The following GNG4 variants were observed in gnomAD, a reference collection of about 807,000 sequenced individuals.
GNG4 encodes the protein G protein subunit gamma 4.
Under a neutral mutation model 5.8 loss-of-function variants are expected in GNG4, and 4 were observed. The ratio of observed to expected loss-of-function variants is 0.69; its 90% CI spans 0.34 to 1.57. The LOEUF (loss-of-function observed/expected upper bound fraction) is 1.57. Ranked by LOEUF, GNG4 falls within the 40% of genes most tolerant of loss-of-function variation. The probability of loss-of-function intolerance (pLI) is 0.06; values close to 1 mark genes in which losing one functional copy is unlikely to be tolerated. For missense variants in GNG4, 96 were observed against 95.1 expected (o/e 1.01, Z -0.04); for synonymous variants, 29 against 32.9 (o/e 0.88, Z 0.41).
At chr1:235,571,949 G>C (rs10082227) in intron 3 of GNG4, among the ~76,000 whole-genome samples, 7,106 of 152,210 alleles carry the variant, frequency 0.047, 501 homozygotes, top group African/African-American at 0.15. Context: ...CAATCCTCCT[G>C]CCTCAGCCTC....
intron 1 of GNG4, among the ~76,000 whole-genome samples, chr1:235,632,403 G>C (rs1688949855): frequency 6.6e-6 from 1 of 152,108 alleles, no homozygotes; most frequent in Non-Finnish European, 1.5e-5. Context: ...TTTCTCATCT[G>C]TGTGCAAAGA....
intron 2 of GNG4, among the ~76,000 whole-genome samples, chr1:235,593,953 G>A (rs1688060125): frequency 6.6e-6 from 1 of 152,150 alleles, no homozygotes; most frequent in African/African-American, 2.4e-5. Context: ...AGCTGGCGCG[G>A]GCAGCCTGCT....
chr1:235,645,246 T>C (rs560506773), intron 1 of GNG4, among the ~76,000 whole-genome samples: 2 of 152,290 alleles, frequency 1.3e-5, no homozygotes, highest in East Asian at 3.9e-4. Context: ...GAGAAGAACC[T>C]GCTCTCAGCC....
In GNG4 at chr1:235,637,424, G is replaced by T. The variant is rs961620401; in HGVS notation, c.-123+12238C>A. On this transcript the variant is annotated intron_variant, in intron 1 of 3. Coordinates refer to ENST00000391854, the MANE Select transcript of GNG4 (RefSeq NM_001098722.2). ...TCCCAGCACTTTCGGAGGCCAAGGT[G>T]GGGGGATCACTTGAGGCCAGGAGTT... 7.9e-5 allele frequency among the ~76,000 whole-genome samples: 12 copies of T among 151,612 alleles called. 1 individual carries two copies. The highest frequency in any genetic ancestry group is 7.9e-4 in the Admixed American group (12 of 15,196).
Position 235,616,369 on chromosome 1 carries a change from G to T in GNG4, c.-122-20858C>A, listed in dbSNP as rs1485824038. 4 of 417,764 alleles carry T rather than the reference G, an allele frequency of 9.6e-6. 1 individual carries two copies. The highest frequency in any genetic ancestry group is 1.7e-3 in the Middle Eastern group (2 of 1,170). The allele number at this position is 417,764 out of a possible 1,614,324, so 25.9% of individuals were successfully genotyped here. ...GATTCACCGTCATGCTGGTCCTCGT[G>T]ATATATTCAGGACAGATCCAGATTG... On this transcript the variant is annotated intron_variant, in intron 1 of 3. Transcript: ENST00000391854.
chr1:235,569,196 C>T (rs2481094), intron 3 of GNG4, among the ~76,000 whole-genome samples: 102,111 of 151,998 alleles, frequency 0.67, 34,631 homozygotes, highest in East Asian at 0.87. Context: ...TGTGAAAATT[C>T]AAGCACCTAA....
intron 3 of GNG4, among the ~76,000 whole-genome samples, chr1:235,559,878 C>G (rs1168292299): frequency 1.3e-5 from 2 of 152,166 alleles, no homozygotes; most frequent in African/African-American, 4.8e-5. Flanking sequence ...GTTGTAATAT[C>G]ACCAAATTAA....
intron 3 of GNG4, among the ~76,000 whole-genome samples, chr1:235,576,521 T>A (rs995654600): frequency 1.3e-5 from 2 of 152,200 alleles, no homozygotes; most frequent in African/African-American, 4.8e-5. Context: ...CTGGGTATTA[T>A]TTTCCAAGCT....
chr1:235,645,501 G>C (rs1217618310), intron 1 of GNG4, among the ~76,000 whole-genome samples: 1 of 152,138 alleles, frequency 6.6e-6, no homozygotes, highest in African/African-American at 2.4e-5. Context: ...AGAGGTGCTT[G>C]AATAAGAATG....
chr1:235,617,339 G>A (rs1405336533), intron 1 of GNG4, among the ~76,000 whole-genome samples: 1 of 152,154 alleles, frequency 6.6e-6, no homozygotes, highest in Admixed American at 6.5e-5. Flanking sequence ...GGATCATCCG[G>A]AGTGGGAGAG....
At chr1:235,614,028 G>C (rs1160565041) in intron 1 of GNG4, among the ~76,000 whole-genome samples, 1 of 152,152 alleles carries the variant, frequency 6.6e-6, no homozygotes, top group Non-Finnish European at 1.5e-5. Context: ...ACCCAGGCTG[G>C]TGTCAAAATC....
At chr1:235,645,797 C>CAAAAAAAAA (rs6143682) in intron 1 of GNG4, among the ~76,000 whole-genome samples, 1 of 90,382 alleles carries the variant, frequency 1.1e-5, no homozygotes, top group African/African-American at 4.1e-5. Flanking sequence ...AACTCAGTCT[C>CAAAAAAAAA]AAAAAAAAAA....
At chr1:235,580,870 C>T (rs958127441) in intron 3 of GNG4, among the ~76,000 whole-genome samples, 2 of 150,394 alleles carry the variant, frequency 1.3e-5, no homozygotes, top group African/African-American at 4.9e-5. Flanking sequence ...TCTGCCTTAG[C>T]CTCCCAAGTA....
chr1:235,596,105 C>T (rs1321910859), intron 1 of GNG4, among the ~76,000 whole-genome samples: 6 of 151,950 alleles, frequency 3.9e-5, no homozygotes, highest in Admixed American at 1.3e-4. Flanking sequence ...ACCCGGGAGG[C>T]GGAGCTTGCG....
intron 3 of GNG4, among the ~76,000 whole-genome samples, chr1:235,561,160 C>T (rs1341891111): frequency 6.6e-6 from 1 of 152,208 alleles, no homozygotes; most frequent in Non-Finnish European, 1.5e-5. Flanking sequence ...CAGGCGCCTG[C>T]CACCACGGCC....
intron 3 of GNG4, among the ~76,000 whole-genome samples, chr1:235,581,184 G>C (rs1006988359): frequency 2.6e-5 from 4 of 152,028 alleles, no homozygotes; most frequent in African/African-American, 9.7e-5. Flanking sequence ...TGGACATGGG[G>C]GTGGTTTCTC....
At chr1:235,650,173 G>T (rs929989848), upstream of GNG4, among the ~76,000 whole-genome samples, 61 of 149,784 alleles carry the variant, frequency 4.1e-4, no homozygotes, top group African/African-American at 1.5e-3. Context: ...CCAGCAAAGG[G>T]CCGCGCCCCC....
At chr1:235,610,784 A>G (rs1173809173) in intron 1 of GNG4, among the ~76,000 whole-genome samples, 3 of 146,112 alleles carry the variant, frequency 2.1e-5, no homozygotes, top group Admixed American at 6.7e-5. Context: ...CTGTCAAGAT[A>G]AAAAAAAGCA....
At position 235,576,773 on chromosome 1, in the gene GNG4, G is replaced by A. The variant is rs578253385; in HGVS notation, c.99+6967C>T. 2.1e-3 allele frequency among the ~76,000 whole-genome samples: 315 copies of A among 152,228 alleles called. 1 individual carries two copies. Among genetic ancestry groups the A allele is most frequent in the Middle Eastern group, 6.8e-3 (2 of 294 alleles). On this transcript the variant is annotated intron_variant, in intron 3 of 3. Coordinates refer to ENST00000391854, the MANE Select transcript of GNG4 (RefSeq NM_001098722.2). ...ATAAATATTAAATGAATGGAGGTAG[G>A]AAGGAGGTCTCTGAACCACACTGTG...
Sources: gnomAD v4.1 joint callset for allele counts (sites outside exome capture counted in the v4.1 genomes callset) on GRCh38, gnomAD v4.1.1 for gene constraint, MANE v1.5 for transcripts, NCBI Gene and HGNC (gene_info 2026-07-23, HGNC 2026-07-21) for gene names.